OSBPL1A: variants seen among roughly 807,000 people sequenced by gnomAD.
OSBPL1A encodes the protein oxysterol binding protein like 1A, also known as oxysterol-binding protein-related protein 1.
OSBPL1A carries 80 observed loss-of-function variants against 137.1 expected under a neutral mutation model. That is an observed-to-expected ratio of 0.58 (90% confidence interval 0.49 to 0.70). The LOEUF (loss-of-function observed/expected upper bound fraction) is 0.70. Among genes scored for constraint, OSBPL1A ranks in the 30% least tolerant of loss-of-function variants. The pLI, the probability that OSBPL1A is intolerant of heterozygous loss-of-function variation, is 0.00. For synonymous variants in OSBPL1A, 365 were observed against 389.7 expected (o/e 0.94, Z 0.75); for missense variants, 970 against 1,129.4 (o/e 0.86, Z 2.02).
intron 15 of OSBPL1A, among the ~76,000 whole-genome samples, chr18:24,247,145 A>G (rs1036683614): frequency 2.0e-5 from 3 of 152,264 alleles, no homozygotes; most frequent in African/African-American, 7.2e-5. Flanking sequence ...GAACCCTAGC[A>G]GAAATGCTGA....
chr18:24,194,158 G>C (rs546882391), intron 18 of OSBPL1A, among the ~76,000 whole-genome samples: 1 of 152,186 alleles, frequency 6.6e-6, no homozygotes, highest in Non-Finnish European at 1.5e-5. Flanking sequence ...ATATTCTAAA[G>C]TGGCCAAAAA....
chr18:24,340,976 C>T (rs1225365434), intron 5 of OSBPL1A, among the ~76,000 whole-genome samples: 1 of 152,104 alleles, frequency 6.6e-6, no homozygotes, highest in Non-Finnish European at 1.5e-5. Flanking sequence ...ATTTGAAAAA[C>T]AGATATTTTT....
At chr18:24,302,550 A>G (rs772888342) in intron 14 of OSBPL1A, 10 of 151,786 alleles carry the variant, frequency 6.6e-5, no homozygotes, top group African/African-American at 1.2e-4. Context: ...CAGCCTCTTG[A>G]GTAGATGGTT....
intron 18 of OSBPL1A, among the ~76,000 whole-genome samples, chr18:24,183,490 A>G (rs187504671): frequency 3.8e-4 from 58 of 150,900 alleles, no homozygotes; most frequent in Non-Finnish European, 7.5e-4. Context: ...TGGAGTGCAA[A>G]GGCGCGATCT....
At chr18:24,337,182 A>T (rs2091188607) in intron 5 of OSBPL1A, among the ~76,000 whole-genome samples, 1 of 152,128 alleles carries the variant, frequency 6.6e-6, no homozygotes, top group Non-Finnish European at 1.5e-5. Flanking sequence ...TAATTCCATA[A>T]CCGCTTTCCT....
intron 17 of OSBPL1A, among the ~76,000 whole-genome samples, chr18:24,201,995 C>T (rs1031743124): frequency 6.6e-6 from 1 of 152,186 alleles, no homozygotes; most frequent in Non-Finnish European, 1.5e-5. Context: ...AATTGGCTGC[C>T]AGGCGTTTCA....
intron 15 of OSBPL1A, among the ~76,000 whole-genome samples, chr18:24,269,633 C>T (rs1302431302): frequency 6.6e-6 from 1 of 152,078 alleles, no homozygotes; most frequent in Non-Finnish European, 1.5e-5. Context: ...AGGGGTTACA[C>T]CCTTAAGACT....
chr18:24,324,785 T>TA (rs1426860005), intron 7 of OSBPL1A, among the ~76,000 whole-genome samples: 24,342 of 94,996 alleles, frequency 0.26, 2,887 homozygotes, highest in African/African-American at 0.34. Flanking sequence ...CTCTGTCTAT[T>TA]AAAAAAAAAA....
chr18:24,248,760 G>C (rs1444673124), intron 15 of OSBPL1A, among the ~76,000 whole-genome samples: 1 of 152,108 alleles, frequency 6.6e-6, no homozygotes, highest in Non-Finnish European at 1.5e-5. Flanking sequence ...GAAAGACTTG[G>C]TAAATAAATA....
At chr18:24,226,487 T>A (rs2088080382) in intron 16 of OSBPL1A, among the ~76,000 whole-genome samples, 1 of 152,206 alleles carries the variant, frequency 6.6e-6, no homozygotes, top group African/African-American at 2.4e-5. Context: ...CATTCCCTCA[T>A]CCTCAGCTCT....
At chr18:24,234,668 G>A (rs1395954965) in intron 16 of OSBPL1A, among the ~76,000 whole-genome samples, 1 of 152,124 alleles carries the variant, frequency 6.6e-6, no homozygotes, top group Non-Finnish European at 1.5e-5. Flanking sequence ...AGGGAAACAG[G>A]AAACCACATG....
Position 24,225,100 on chromosome 18 carries a change from A to G in OSBPL1A, c.1543T>C (p.Ser515Pro), listed in dbSNP as rs768124208. The G allele has an allele frequency of 6.2e-7, 1 of 1,614,164 alleles. No individual in the cohort carries two copies. Among genetic ancestry groups the G allele is most frequent in the Admixed American group, 1.7e-5 (1 of 60,018 alleles). Residue 515 changes from serine to proline, a missense_variant, in exon 17 of 28, where the codon TCC (serine) becomes CCC (proline). Coordinates refer to ENST00000319481, the MANE Select transcript of OSBPL1A (RefSeq NM_080597.4). ...EHLGSRKHRM[S>P]EEKDCGGGDA... Reference sequence around the variant, plus strand: ...CCGCCACCACAGTCTTTTTCTTCGGACATTCTGTGTTTTCTACTGCCCAAA... The same window carrying G: ...CCGCCACCACAGTCTTTTTCTTCGGGCATTCTGTGTTTTCTACTGCCCAAA...
At chr18:24,339,096 C>T (rs543322106) in intron 5 of OSBPL1A, among the ~76,000 whole-genome samples, 9 of 151,922 alleles carry the variant, frequency 5.9e-5, no homozygotes, top group Non-Finnish European at 8.8e-5. Context: ...CTCAGCCTCC[C>T]GAGTTGCTGG....
chr18:24,390,203 G>T (rs1029155571), intron 1 of OSBPL1A, among the ~76,000 whole-genome samples: 6 of 152,030 alleles, frequency 3.9e-5, no homozygotes, highest in Admixed American at 2.0e-4. Flanking sequence ...GAAGTATGGG[G>T]GTTCCTCAAA....
In OSBPL1A at chr18:24,290,516, A is replaced by G. The variant is rs954780871; in HGVS notation, c.1175-9568T>C. ...GGCGACACGATAAAACCCTGTCTTTACTAAAAATACAAAAGTATTACCCAG... is the reference window on the plus strand; with the variant it reads ...GGCGACACGATAAAACCCTGTCTTTGCTAAAAATACAAAAGTATTACCCAG... On this transcript the variant is annotated intron_variant, in intron 14 of 27. Transcript: ENST00000319481. Among the ~76,000 whole-genome samples, 3 of 152,120 alleles carry G rather than the reference A, an allele frequency of 2.0e-5. No homozygotes were observed. The South Asian group carries it at 6.2e-4, about 32-fold the overall frequency.
chr18:24,335,744 A>C (rs964560301), intron 5 of OSBPL1A, among the ~76,000 whole-genome samples: 2 of 152,230 alleles, frequency 1.3e-5, no homozygotes, highest in African/African-American at 2.4e-5. Flanking sequence ...ACATTTGTTA[A>C]CAGTAATCAC....
chr18:24,389,132 G>A (rs1907147972), intron 1 of OSBPL1A, among the ~76,000 whole-genome samples: 1 of 152,290 alleles, frequency 6.6e-6, no homozygotes, highest in East Asian at 1.9e-4. Context: ...GGTCACAATG[G>A]ATTGCAGCCA....
At chr18:24,208,448 T>G (rs984715614) in intron 17 of OSBPL1A, among the ~76,000 whole-genome samples, 3 of 152,186 alleles carry the variant, frequency 2.0e-5, no homozygotes, top group Non-Finnish European at 4.4e-5. Context: ...AATTCCATTG[T>G]TAGAAATTTA....
chr18:24,209,119 T>C, intron 17 of OSBPL1A, among the ~76,000 whole-genome samples: 1 of 152,222 alleles, frequency 6.6e-6, no homozygotes, highest in East Asian at 1.9e-4. Flanking sequence ...TAAAGACTTC[T>C]GTTCATTATT....
Sources: allele counts gnomAD v4.1 joint callset (sites outside exome capture counted in the v4.1 genomes callset), GRCh38; gene constraint gnomAD v4.1.1; transcripts MANE v1.5; gene names NCBI Gene and HGNC (gene_info 2026-07-23, HGNC 2026-07-21).